PITPNA: variants seen among roughly 807,000 people sequenced by gnomAD.
The protein encoded by PITPNA is phosphatidylinositol transfer protein alpha isoform.
Under a neutral mutation model 50.3 loss-of-function variants are expected in PITPNA, and 13 were observed. The ratio of observed to expected loss-of-function variants is 0.26; its 90% CI spans 0.17 to 0.41. The LOEUF is 0.41. Among genes scored for constraint, PITPNA ranks in the 10% least tolerant of loss-of-function variants. PITPNA has a pLI of 1.00. For missense variants in PITPNA, 207 were observed against 333.4 expected (o/e 0.62, Z 2.95); for synonymous variants, 120 against 119.6 (o/e 1.00, Z -0.02).
chr17:1,532,716 T>C (rs367742651), intron 10 of PITPNA, among the ~76,000 whole-genome samples: 1 of 152,254 alleles, frequency 6.6e-6, no homozygotes, highest in Non-Finnish European at 1.5e-5. Flanking sequence ...AGGCTTCTCT[T>C]ACACAGTCAC....
intron 2 of PITPNA, among the ~76,000 whole-genome samples, chr17:1,554,390 ATTTTTTTTT>A (rs61238602): frequency 3.9e-4 from 26 of 66,096 alleles, no homozygotes; most frequent in South Asian, 3.1e-3. Flanking sequence ...GTGTTTCTCT[ATTTTTTTTT>A]TTTTTTTTTT....
At chr17:1,535,069 G>A (rs576958385) in intron 9 of PITPNA, 113 bp downstream of exon 9, 4 of 556,074 alleles carry the variant, frequency 7.2e-6, no homozygotes, top group Middle Eastern at 3.1e-4. Flanking sequence ...GCACACACAC[G>A]CAGTCACTGG....
chr17:1,531,249 G>A (rs2075581031), intron 10 of PITPNA, among the ~76,000 whole-genome samples: 1 of 152,122 alleles, frequency 6.6e-6, no homozygotes, highest in East Asian at 1.9e-4. Context: ...GTCTCCCACA[G>A]CAAGAGACAG....
chr17:1,561,131 A>ACG (rs1020427084), intron 1 of PITPNA: 6 of 149,300 alleles, frequency 4.0e-5, no homozygotes, highest in South Asian at 2.1e-4. Flanking sequence ...ACACACGCAC[A>ACG]CGCACACACA....
chr17:1,535,154 C>A (rs756840092), intron 9 of PITPNA, 28 bp downstream of exon 9: 38 of 1,389,462 alleles, frequency 2.7e-5, no homozygotes, highest in Non-Finnish European at 3.5e-5. Flanking sequence ...CACGCAGTCA[C>A]TGGGAAGGCC....
chr17:1,545,701 C>A (rs184090512), intron 4 of PITPNA, among the ~76,000 whole-genome samples: 2 of 152,136 alleles, frequency 1.3e-5, no homozygotes, highest in African/African-American at 4.8e-5. Flanking sequence ...GAACATTTAA[C>A]GTGCAGAAAA....
intron 10 of PITPNA, among the ~76,000 whole-genome samples, chr17:1,528,311 T>C (rs1459089835): frequency 6.6e-6 from 1 of 152,220 alleles, no homozygotes; most frequent in Non-Finnish European, 1.5e-5. Context: ...TGGCTGATTT[T>C]TGTATTTTTA....
At chr17:1,535,555 G>A in intron 7 of PITPNA, 37 bp from the exon 8 acceptor site, 1 of 1,313,936 alleles carries the variant, frequency 7.6e-7, no homozygotes, top group Non-Finnish European at 1.1e-6. Flanking sequence ...GGAGGGGAGT[G>A]GGAGAGGGAG....
At chr17:1,535,328 C>T in intron 8 of PITPNA, 36 bp from the exon 9 acceptor site, 1 of 1,550,660 alleles carries the variant, frequency 6.4e-7, no homozygotes, top group Non-Finnish European at 8.9e-7. Context: ...ACGCAAGTAA[C>T]AACGGGCAGA....
chr17:1,562,129 G>T lies in PITPNA; in HGVS notation c.20+412C>A, dbSNP rs1403160131. On this transcript the variant is annotated intron_variant, in intron 1 of 11. Coordinates refer to ENST00000313486, the MANE Select transcript of PITPNA (RefSeq NM_006224.4). This position sits in a 1 kb window ranked among gnomAD's most constrained non-coding sequence, Gnocchi z 6.4. Reference sequence around the variant, plus strand: ...CTGCCCTGACCCCGTCTCGGGCCTGGCCTCGCCCTCGCTGTCCCCGGCCTC... The same window carrying T: ...CTGCCCTGACCCCGTCTCGGGCCTGTCCTCGCCCTCGCTGTCCCCGGCCTC... 6.6e-6 allele frequency among the ~76,000 whole-genome samples: 1 copy of T among 152,110 alleles called. No individual in the cohort carries two copies. The highest frequency in any genetic ancestry group is 1.5e-5 in the Non-Finnish European group (1 of 67,982).
intron 10 of PITPNA, among the ~76,000 whole-genome samples, chr17:1,532,924 G>C (rs2075593184): frequency 6.6e-6 from 1 of 152,248 alleles, no homozygotes; most frequent in South Asian, 2.1e-4. Flanking sequence ...GTGTCATTCT[G>C]GATGGTAAAA....
Position 1,548,276 on chromosome 17 carries a change from G to A in PITPNA, c.289+20C>T, listed in dbSNP as rs760896655. 3.9e-5 allele frequency: 60 copies of A among 1,547,192 alleles called. No individual in the cohort carries two copies. The highest frequency in any genetic ancestry group is 6.9e-5 in the South Asian group (6 of 87,272). ...TGCTGCCCGCCCCTGCCTGGCCGAC[G>A]TGGCCCCGGCTGCACTCACCGGTTC... On this transcript the variant is annotated intron_variant, in intron 4 of 11. Transcript: ENST00000313486.
Position 1,535,435 on chromosome 17 carries a change from T to C in PITPNA, c.534+6A>G. On this transcript the variant is annotated splice_donor_region_variant and intron_variant, in intron 8 of 11. Coordinates refer to ENST00000313486, the MANE Select transcript of PITPNA (RefSeq NM_006224.4). ...AGCCCCCTGGCAGTGAAGGTGTGAATGGTACCTTCCAATTGGGGCCCAAGG... is the reference window on the plus strand; with the variant it reads ...AGCCCCCTGGCAGTGAAGGTGTGAACGGTACCTTCCAATTGGGGCCCAAGG... 1.2e-6 allele frequency: 2 copies of C among 1,609,988 alleles called. No homozygotes were observed. Among genetic ancestry groups the C allele is most frequent in the Non-Finnish European group, 1.7e-6 (2 of 1,176,348 alleles).
chr17:1,527,934 C>T (rs554631141), intron 10 of PITPNA, among the ~76,000 whole-genome samples: 27 of 152,242 alleles, frequency 1.8e-4, no homozygotes, highest in Non-Finnish European at 4.0e-4. Flanking sequence ...ACAATCCCAA[C>T]ACTTCGGGAG....
intron 2 of PITPNA, among the ~76,000 whole-genome samples, chr17:1,557,194 C>T (rs1248880056): frequency 6.6e-6 from 1 of 152,172 alleles, no homozygotes; most frequent in Non-Finnish European, 1.5e-5. Flanking sequence ...CCTCTGGCCC[C>T]CTCCCCAGGT....
chr17:1,558,497 AC>A, intron 2 of PITPNA, 31 bp downstream of exon 2: 2 of 1,490,990 alleles, frequency 1.3e-6, no homozygotes, highest in Non-Finnish European at 1.9e-6. Context: ...ACAGTTACAC[AC>A]AACTATGGAC....
chr17:1,551,273 CTTTTTCTTT>C (rs1289110257), intron 3 of PITPNA, among the ~76,000 whole-genome samples: 1 of 151,210 alleles, frequency 6.6e-6, no homozygotes, highest in Non-Finnish European at 1.5e-5. Context: ...CTGGCCTTTT[CTTTTTCTTT>C]TTTTTCTTTT....
chr17:1,551,422 G>T (rs2075708701), intron 3 of PITPNA, among the ~76,000 whole-genome samples: 2 of 151,814 alleles, frequency 1.3e-5, no homozygotes, highest in Admixed American at 6.6e-5. Flanking sequence ...CTCCTGAGTA[G>T]ACAGGACTAC....
chr17:1,553,291 T>TGCCCAAACCC, intron 2 of PITPNA, 142 bp from the exon 3 acceptor site: 2 of 835,356 alleles, frequency 2.4e-6, no homozygotes, highest in Non-Finnish European at 3.8e-6. Flanking sequence ...CATCAGGCCT[T>TGCCCAAACCC]GCCCAAACCC....
Sources: allele counts gnomAD v4.1 joint callset (sites outside exome capture counted in the v4.1 genomes callset), GRCh38; gene constraint gnomAD v4.1.1; non-coding constraint Gnocchi (gnomAD v3.1); transcripts MANE v1.5; gene names NCBI Gene and HGNC (gene_info 2026-07-23, HGNC 2026-07-21).